TTC7B: variants seen among roughly 807,000 people sequenced by gnomAD.
TTC7B encodes tetratricopeptide repeat protein 7B.
In TTC7B, 28 loss-of-function variants were observed where a neutral mutation model predicts 106.8. That is an observed-to-expected ratio of 0.26 (90% CI 0.19 to 0.36). The LOEUF (loss-of-function observed/expected upper bound fraction) is 0.36. Ranked by LOEUF, TTC7B falls within the 10% of genes least tolerant of loss-of-function variation. The pLI, the probability that TTC7B is intolerant of heterozygous loss-of-function variation, is 1.00. For missense variants in TTC7B, 862 were observed against 1,076.4 expected (o/e 0.80, Z 2.79); for synonymous variants, 405 against 430.6 (o/e 0.94, Z 0.74).
chr14:90,694,505 T>C (rs1469893643), intron 6 of TTC7B, among the ~76,000 whole-genome samples: 1 of 150,176 alleles, frequency 6.7e-6, no homozygotes, highest in Non-Finnish European at 1.5e-5. Flanking sequence ...TAAATATATG[T>C]CACGTAAATA....
rs1433451515 is a variant in TTC7B at position 90,695,400 on chromosome 14, TCA to T, written c.777+98_777+99del. ...CACATATATTTATAACACATATATG[TCA>T]CATATATTTATAATACATAAATGTA... On this transcript the variant is annotated intron_variant, in intron 6 of 19. Transcript: ENST00000328459. 1.2e-5 allele frequency: 6 copies of T among 509,338 alleles called. No homozygotes were observed. The East Asian group carries it at 1.5e-4, about 12-fold the overall frequency. The allele number at this position is 509,338 out of a possible 1,614,324, so 31.6% of individuals were successfully genotyped here. A position where few individuals can be genotyped will look rare whatever the true frequency, so the allele number is the denominator to read the frequency against.
At chr14:90,787,136 C>CA (rs1394413832) in intron 1 of TTC7B, among the ~76,000 whole-genome samples, 6 of 152,170 alleles carry the variant, frequency 3.9e-5, no homozygotes, top group African/African-American at 1.4e-4. Flanking sequence ...TGCAGAGTAA[C>CA]AGAGTGTTCG....
chr14:90,786,792 G>T (rs1331731121), intron 1 of TTC7B, among the ~76,000 whole-genome samples: 1 of 152,048 alleles, frequency 6.6e-6, no homozygotes, highest in Non-Finnish European at 1.5e-5. Flanking sequence ...TGTTAGCCAG[G>T]CTGGTCTCAA....
At position 90,541,558 on chromosome 14, in the gene TTC7B, C is replaced by G; in HGVS notation, c.2342G>C (p.Ser781Thr). The stretch of plus-strand genomic sequence containing the variant: ...GTCCCGGAGGATCTTCTCCGCCAGA[C>G]TGTAGCGGCCTAGCTGGTGAAGGAT... ...ALILHQLGRYSLAEKILRDAV... is the reference protein window; with the variant it reads ...ALILHQLGRYTLAEKILRDAV... The change falls in exon 20 of 20, where the codon AGT becomes ACT. Residue 781 changes from serine to threonine, a missense_variant. By Grantham distance (58) the Ser-to-Thr change is moderately conservative. Coordinates refer to ENST00000328459, the MANE Select transcript of TTC7B (RefSeq NM_001010854.2). 6.2e-7 allele frequency: 1 copy of G among 1,605,820 alleles called. No homozygotes were observed. The highest frequency in any genetic ancestry group is 8.5e-7 in the Non-Finnish European group (1 of 1,173,882).
chr14:90,617,375 G>A (rs570761507), intron 16 of TTC7B, among the ~76,000 whole-genome samples: 1 of 152,236 alleles, frequency 6.6e-6, no homozygotes, highest in African/African-American at 2.4e-5. Context: ...TCTGTGAATA[G>A]GTCTTAACAT....
At chr14:90,734,484 GGCTGCAATGAGCTATGA>G (rs2139992766) in intron 4 of TTC7B, among the ~76,000 whole-genome samples, 1 of 151,382 alleles carries the variant, frequency 6.6e-6, no homozygotes, top group East Asian at 1.9e-4. Flanking sequence ...TAGATCTATA[GGCTGCAATGAGCTATGA>G]TCACTATCAT....
chr14:90,716,329 G>C (rs765730781), intron 5 of TTC7B, among the ~76,000 whole-genome samples: 1 of 152,194 alleles, frequency 6.6e-6, no homozygotes, highest in Non-Finnish European at 1.5e-5. Context: ...AGGATGATCA[G>C]GTATTAGAGA....
At chr14:90,545,576 G>A (rs771821380) in intron 19 of TTC7B, among the ~76,000 whole-genome samples, 13 of 152,344 alleles carry the variant, frequency 8.5e-5, no homozygotes, top group Non-Finnish European at 1.9e-4. Flanking sequence ...AAAGTGGATG[G>A]GTGAGATGTG....
intron 15 of TTC7B, among the ~76,000 whole-genome samples, chr14:90,632,398 T>G (rs1884738898): frequency 6.6e-6 from 1 of 152,200 alleles, no homozygotes; most frequent in Non-Finnish European, 1.5e-5. Context: ...AGAGTATGTG[T>G]GTGTGTGCCC....
In TTC7B at chr14:90,578,414, C is replaced by T. The variant is rs1045065419; in HGVS notation, c.2108-106G>A. ...TTCCCTGCACGGGAGTCTGGCGGGG[C>T]GCAGAGCCAGCTGATCCCTGCTCCA... On this transcript the variant is annotated intron_variant, in intron 18 of 19. Coordinates refer to ENST00000328459, the MANE Select transcript of TTC7B (RefSeq NM_001010854.2). The surrounding 1 kb of genome is among the most constrained non-coding windows in gnomAD (Gnocchi z 4.7). The T allele has an allele frequency of 1.0e-5, 12 of 1,197,550 alleles. No homozygotes were observed. Among genetic ancestry groups the T allele is most frequent in the South Asian group, 4.1e-5 (3 of 72,850 alleles). 74.2% of individuals were successfully genotyped at this position (1,197,550 alleles called of 1,614,324 possible).
intron 4 of TTC7B, 36 bp from the exon 5 acceptor site, chr14:90,730,232 C>T: frequency 6.3e-7 from 1 of 1,582,628 alleles, no homozygotes; most frequent in Non-Finnish European, 8.5e-7. Context: ...TAATCAGATG[C>T]ACATCCAAGC....
At chr14:90,607,487 T>G (rs935910141) in intron 17 of TTC7B, among the ~76,000 whole-genome samples, 3 of 152,240 alleles carry the variant, frequency 2.0e-5, no homozygotes, top group Non-Finnish European at 4.4e-5. Flanking sequence ...ACATTTGATC[T>G]CAGGGTCACT....
Position 90,541,274 on chromosome 14 carries a change from T to A in TTC7B, c.*94A>T, listed in dbSNP as rs1294572. 8.4e-7 allele frequency: 1 copy of A among 1,195,272 alleles called. No individual in the cohort carries two copies. The highest frequency in any genetic ancestry group is 1.5e-5 in the African/African-American group (1 of 66,346). The allele number at this position is 1,195,272 out of a possible 1,614,324, so 74.0% of individuals were successfully genotyped here. A position where few individuals can be genotyped will look rare whatever the true frequency, so the allele number is the denominator to read the frequency against. ...TGAACACTCGTCCCTGGCCTCAGTG[T>A]GGCAGATTCATCCCCTTGGGGCGAT... On this transcript the variant is annotated 3_prime_UTR_variant, in exon 20 of 20. Coordinates refer to ENST00000328459, the MANE Select transcript of TTC7B (RefSeq NM_001010854.2).
At chr14:90,588,585 T>G (rs1201931717) in intron 18 of TTC7B, among the ~76,000 whole-genome samples, 1 of 152,156 alleles carries the variant, frequency 6.6e-6, no homozygotes, top group Non-Finnish European at 1.5e-5. Context: ...AGGAACCATG[T>G]CTTGAGGTGC....
chr14:90,795,952 C>T lies in TTC7B; in HGVS notation c.122-9624G>A, dbSNP rs1891761192. On this transcript the variant is annotated intron_variant, in intron 1 of 19. Coordinates refer to ENST00000328459, the MANE Select transcript of TTC7B (RefSeq NM_001010854.2). ...AACAATACTAGGATGCTATTATCAT[C>T]TCCATCTCACAAACAGGGAACCAGG... Among the ~76,000 whole-genome samples, 4 of 152,200 alleles carry T rather than the reference C, an allele frequency of 2.6e-5. No homozygotes were observed. The South Asian group carries it at 8.3e-4, about 32-fold the overall frequency.
chr14:90,714,457 A>AC (rs1888573528), intron 5 of TTC7B, among the ~76,000 whole-genome samples: 1 of 129,246 alleles, frequency 7.7e-6, no homozygotes, highest in Non-Finnish European at 1.7e-5. Context: ...AGCTGTATAA[A>AC]TTTTTTTTTT....
At chr14:90,816,060 C>A in intron 1 of TTC7B, 115 bp downstream of exon 1, 2 of 973,574 alleles carry the variant, frequency 2.1e-6, no homozygotes, top group South Asian at 9.3e-5. Context: ...CCGCAGCTCC[C>A]TCGCGGCCCG....
chr14:90,660,950 C>T (rs144227065), intron 9 of TTC7B, among the ~76,000 whole-genome samples: 270 of 152,350 alleles, frequency 1.8e-3, no homozygotes, highest in African/African-American at 3.2e-3. Context: ...GGGCTGGCTG[C>T]GGGCCTCATC....
intron 3 of TTC7B, chr14:90,766,407 G>A (rs1890683264): frequency 1.9e-6 from 1 of 519,228 alleles, no homozygotes; most frequent in Admixed American, 3.3e-5. Context: ...GGAAGATGTG[G>A]TGAAAGTCAA....
Sources: gnomAD v4.1 joint callset for allele counts (sites outside exome capture counted in the v4.1 genomes callset) on GRCh38, gnomAD v4.1.1 for gene constraint, Gnocchi (gnomAD v3.1) non-coding constraint, MANE v1.5 for transcripts, NCBI Gene and HGNC (gene_info 2026-07-23, HGNC 2026-07-21) for gene names.